SOX6: variants seen among roughly 807,000 people sequenced by gnomAD.
SOX6 encodes the protein SRY-box transcription factor 6, also known as transcription factor SOX-6.
A neutral mutation model predicts 97.8 loss-of-function variants in SOX6; 11 were observed. The ratio of observed to expected loss-of-function variants is 0.11; its 90% CI spans 0.07 to 0.19. The LOEUF (loss-of-function observed/expected upper bound fraction) is 0.19, where lower values mean the gene tolerates loss of function less well. Ranked by LOEUF, SOX6 falls within the 10% of genes least tolerant of loss-of-function variation. The pLI is 1.00. For synonymous variants in SOX6, 360 were observed against 371.4 expected (o/e 0.97, Z 0.35); for missense variants, 810 against 1,039.5 (o/e 0.78, Z 3.04).
At chr11:16,008,810 AG>A (rs1324267896) in intron 13 of SOX6, among the ~76,000 whole-genome samples, 1 of 152,112 alleles carries the variant, frequency 6.6e-6, no homozygotes, top group African/African-American at 2.4e-5. Flanking sequence ...TTATATCCAC[AG>A]TAAAATACAG....
Position 16,049,846 on chromosome 11 carries a change from G to A in SOX6, c.1344C>T (p.Phe448=), listed in dbSNP as rs765837138. 4 of 1,613,782 alleles carry A rather than the reference G, an allele frequency of 2.5e-6. No homozygotes were observed. Among genetic ancestry groups the A allele is most frequent in the Non-Finnish European group, 3.4e-6 (4 of 1,179,810 alleles). Reference sequence around the variant, plus strand: ...TGACAGGGCTGGTTTTGCTGGCTGGGAAGAGGTTCTGGGTGGGAGACGTTG... The same window carrying A: ...TGACAGGGCTGGTTTTGCTGGCTGGAAAGAGGTTCTGGGTGGGAGACGTTG... ...KSPTSPTQNL[F]PASKTSPVNL... The change falls in exon 11 of 16, where the codon TTC becomes TTT. Residue 448 remains phenylalanine (F), a synonymous_variant. Transcript: ENST00000683767.
At chr11:16,271,964 A>G (rs1445484620) in intron 3 of SOX6, among the ~76,000 whole-genome samples, 2 of 151,006 alleles carry the variant, frequency 1.3e-5, no homozygotes, top group East Asian at 1.9e-4. Flanking sequence ...AATTTTACTG[A>G]TTAATTATAT....
At chr11:16,699,553 A>C (rs1848077958) in intron 3 of SOX6, among the ~76,000 whole-genome samples, 1 of 152,148 alleles carries the variant, frequency 6.6e-6, no homozygotes. Context: ...ATTCCTATTT[A>C]TACTCATTTT....
chr11:16,287,280 TCTCTCTCTCTCTCTCTCTCACACACA>T (rs1854778938), intron 3 of SOX6, among the ~76,000 whole-genome samples: 1 of 105,872 alleles, frequency 9.4e-6, no homozygotes, highest in South Asian at 2.8e-4. Context: ...TCTCTCTCTC[TCTCTCTCTCTCTCTCTCTCACACACA>T]CACACACACA....
intron 9 of SOX6, among the ~76,000 whole-genome samples, chr11:16,076,484 A>T (rs1000474160): frequency 1.3e-5 from 2 of 151,930 alleles, no homozygotes; most frequent in Admixed American, 6.6e-5. Flanking sequence ...ACAGACTCAC[A>T]GCCAATAAGC....
intron 12 of SOX6, among the ~76,000 whole-genome samples, chr11:16,018,580 G>A (rs1353354263): frequency 6.6e-6 from 1 of 152,052 alleles, no homozygotes; most frequent in Non-Finnish European, 1.5e-5. Flanking sequence ...AATTTTTGAT[G>A]TGCACAGTAT....
intron 4 of SOX6, among the ~76,000 whole-genome samples, chr11:16,229,017 C>T (rs1404295931): frequency 1.3e-5 from 2 of 151,894 alleles, no homozygotes; most frequent in African/African-American, 4.8e-5. Context: ...TATTAAGCTC[C>T]CTGAGTTGAA....
intron 1 of SOX6, among the ~76,000 whole-genome samples, chr11:16,407,581 T>C (rs967682848): frequency 1.3e-5 from 2 of 152,126 alleles, no homozygotes; most frequent in African/African-American, 2.4e-5. Context: ...CCAGCAGGAA[T>C]AGGAGTGATT....
At chr11:16,142,204 T>G (rs559010575) in intron 6 of SOX6, among the ~76,000 whole-genome samples, 53 of 152,262 alleles carry the variant, frequency 3.5e-4, no homozygotes, top group Non-Finnish European at 1.2e-4. Context: ...CTATATTTGT[T>G]GTTCTGCAGC....
At chr11:16,697,555 A>G (rs1848063053) in intron 3 of SOX6, among the ~76,000 whole-genome samples, 1 of 152,192 alleles carries the variant, frequency 6.6e-6, no homozygotes, top group Admixed American at 6.5e-5. Context: ...AATTGCTTGA[A>G]GCCGAGATCG....
chr11:16,592,319 T>C (rs953847232), intron 4 of SOX6, among the ~76,000 whole-genome samples: 7 of 148,748 alleles, frequency 4.7e-5, no homozygotes, highest in African/African-American at 1.7e-4. Context: ...GCCTAAGATC[T>C]CTATTTCCTC....
chr11:16,152,912 G>C (rs1471939755), intron 6 of SOX6, among the ~76,000 whole-genome samples: 5 of 151,918 alleles, frequency 3.3e-5, no homozygotes, highest in Non-Finnish European at 7.4e-5. Flanking sequence ...CTGTTGCCAG[G>C]CTTGAGTGCA....
chr11:16,114,176 T>A (rs1031549611), intron 6 of SOX6, among the ~76,000 whole-genome samples: 9 of 152,176 alleles, frequency 5.9e-5, no homozygotes, highest in Non-Finnish European at 8.8e-5. Context: ...TGTTTAAAAG[T>A]CAACATTAAT....
At chr11:16,544,369 C>T (rs1009923514) in intron 4 of SOX6, among the ~76,000 whole-genome samples, 2 of 152,080 alleles carry the variant, frequency 1.3e-5, no homozygotes, top group Non-Finnish European at 2.9e-5. Flanking sequence ...AACAATCCTC[C>T]CACCTCATTC....
At chr11:16,181,305 GAAGTT>G (rs1294274769) in intron 6 of SOX6, among the ~76,000 whole-genome samples, 2 of 151,528 alleles carry the variant, frequency 1.3e-5, no homozygotes, top group East Asian at 1.9e-4. Context: ...TTTTGAAAGA[GAAGTT>G]AAGTTTCATT....
intron 6 of SOX6, among the ~76,000 whole-genome samples, chr11:16,166,859 G>A (rs975087601): frequency 6.6e-6 from 1 of 152,134 alleles, no homozygotes; most frequent in African/African-American, 2.4e-5. Context: ...TATGAGTCGT[G>A]TTCTGAAAAT....
chr11:16,416,791 T>C (rs952560070), intron 1 of SOX6, among the ~76,000 whole-genome samples: 1 of 152,240 alleles, frequency 6.6e-6, no homozygotes, highest in Non-Finnish European at 1.5e-5. Context: ...TTTTTCCACT[T>C]TGGGGACTAT....
At chr11:16,116,050 T>C (rs1849339777) in intron 6 of SOX6, among the ~76,000 whole-genome samples, 1 of 152,306 alleles carries the variant, frequency 6.6e-6, no homozygotes, top group South Asian at 2.1e-4. Flanking sequence ...AATAAACTTA[T>C]TTTAAGTAAA....
At position 16,144,893 on chromosome 11, in the gene SOX6, G is replaced by A. The variant is rs577035187; in HGVS notation, c.778-32970C>T. Among the ~76,000 whole-genome samples, 11 of 152,228 alleles carry A rather than the reference G, an allele frequency of 7.2e-5. No homozygotes were observed. In the South Asian group the frequency reaches 8.3e-4, roughly 11 times the overall value. On this transcript the variant is annotated intron_variant, in intron 6 of 15. Transcript: ENST00000683767. The stretch of plus-strand genomic sequence containing the variant: ...AATCAAAAAAAGTCCAGGACCAGAC[G>A]GATTCACAGCTGAATTCTACCAGAG...
Sources: allele counts gnomAD v4.1 joint callset (sites outside exome capture counted in the v4.1 genomes callset), GRCh38; gene constraint gnomAD v4.1.1; transcripts MANE v1.5; gene names NCBI Gene and HGNC (gene_info 2026-07-23, HGNC 2026-07-21).